Variants in HDAC9 observed in about 807,000 individuals in gnomAD.
HDAC9 encodes MEF-2 interacting transcription repressor (MITR) protein.
Under a neutral mutation model 139.4 loss-of-function variants are expected in HDAC9, and 41 were observed. The ratio of observed to expected loss-of-function variants is 0.29; its 90% CI spans 0.23 to 0.38. The LOEUF is 0.38. Among genes scored for constraint, HDAC9 ranks in the 10% least tolerant of loss-of-function variants. The probability of loss-of-function intolerance (pLI) is 1.00; values close to 1 mark genes in which losing one functional copy is unlikely to be tolerated. For synonymous variants in HDAC9, 517 were observed against 476.2 expected, an observed-to-expected ratio of 1.09 and a Z score of -1.12; for missense variants, 1,147 against 1,297.0, an observed-to-expected ratio of 0.88 and a Z score of 1.78.
intron 6 of HDAC9, 50 bp downstream of exon 6, chr7:18,594,079 A>G (rs762946908): frequency 3.1e-6 from 5 of 1,602,174 alleles, no homozygotes; most frequent in Non-Finnish European, 4.3e-6. Flanking sequence ...ACACACCTGT[A>G]AGTTTCATTT....
At chr7:18,988,292 C>G (rs990356023) in intron 25 of HDAC9, among the ~76,000 whole-genome samples, 1 of 151,970 alleles carries the variant, frequency 6.6e-6, no homozygotes, top group Non-Finnish European at 1.5e-5. Flanking sequence ...CAAAGAACAT[C>G]TTTATTTCTG....
chr7:18,411,395 G>A (rs1411169352), intron 1 of HDAC9, among the ~76,000 whole-genome samples: 1 of 151,920 alleles, frequency 6.6e-6, no homozygotes, highest in Non-Finnish European at 1.5e-5. Flanking sequence ...CTTTTTTTGA[G>A]ATGGAGTCTT....
intron 21 of HDAC9, among the ~76,000 whole-genome samples, chr7:18,868,046 TTA>T (rs1441046029): frequency 6.6e-6 from 1 of 152,224 alleles, no homozygotes; most frequent in Non-Finnish European, 1.5e-5. Flanking sequence ...TTTGAAATTA[TTA>T]TGTTTGTTGT....
rs57123600 is a variant in HDAC9 at position 18,524,863 on chromosome 7, T to TACACACAC, written c.22+28571_22+28578dup. 1.8e-3 allele frequency among the ~76,000 whole-genome samples: 227 copies of TACACACAC among 127,740 alleles called. 1 individual carries two copies. The highest frequency in any genetic ancestry group is 3.6e-3 in the African/African-American group (124 of 34,664). The allele number at this position is 127,740 out of a possible 152,430, so 83.8% of individuals were successfully genotyped here. The stretch of plus-strand genomic sequence containing the variant: ...GATTTTGAAATAAAACTTAGTGACA[T>TACACACAC]ACACACACACACACACACACACACA... On this transcript the variant is annotated intron_variant, in intron 2 of 25. Transcript: ENST00000686413.
chr7:18,824,107 A>C (rs939845956), intron 17 of HDAC9, among the ~76,000 whole-genome samples: 1 of 152,116 alleles, frequency 6.6e-6, no homozygotes, highest in African/African-American at 2.4e-5. Flanking sequence ...AAGAAGGAGA[A>C]GAAGAAGAGG....
rs541261797 is a variant in HDAC9 at position 18,732,703 on chromosome 7, A to ATG, written c.1909+4951_1909+4952dup. On this transcript the variant is annotated intron_variant, in intron 13 of 25. Coordinates refer to ENST00000686413, the MANE Select transcript of HDAC9 (RefSeq NM_178425.4). Reference sequence around the variant, plus strand: ...CGTATGTGTACACACACACACGTGTATGTGTGCGTATGTGTACACACACAC... The same window carrying ATG: ...CGTATGTGTACACACACACACGTGTATGTGTGTGCGTATGTGTACACACACAC... Among the ~76,000 whole-genome samples the ATG allele has an allele frequency of 5.6e-5, 7 of 124,848 alleles. 1 individual carries two copies. The highest frequency in any genetic ancestry group is 1.5e-4 in the Admixed American group (2 of 13,500). 81.9% of individuals were successfully genotyped at this position (124,848 alleles called of 152,430 possible). A position where few individuals can be genotyped will look rare whatever the true frequency, so the allele number is the denominator to read the frequency against.
intron 1 of HDAC9, among the ~76,000 whole-genome samples, chr7:18,392,763 G>A (rs1262738752): frequency 6.6e-6 from 1 of 151,558 alleles, no homozygotes; most frequent in Non-Finnish European, 1.5e-5. Flanking sequence ...CACATGGGAG[G>A]GGTCACTCAG....
intron 1 of HDAC9, among the ~76,000 whole-genome samples, chr7:18,117,287 C>G (rs1784060628): frequency 6.6e-6 from 1 of 151,970 alleles, no homozygotes; most frequent in African/African-American, 2.4e-5. Context: ...GAGATCGAGA[C>G]CTTCCTGGCT....
intron 1 of HDAC9, among the ~76,000 whole-genome samples, chr7:18,139,663 C>T (rs1417117384): frequency 2.0e-5 from 3 of 152,070 alleles, no homozygotes; most frequent in Non-Finnish European, 4.4e-5. Flanking sequence ...GTGAATGTTA[C>T]CTCATATGGC....
chr7:18,561,507 C>T (rs1450233131), intron 2 of HDAC9, among the ~76,000 whole-genome samples: 2 of 152,166 alleles, frequency 1.3e-5, no homozygotes, highest in Non-Finnish European at 2.9e-5. Context: ...AGTCTATTCA[C>T]ATGGTTGTGC....
intron 21 of HDAC9, among the ~76,000 whole-genome samples, chr7:18,870,270 G>C (rs1173734547): frequency 2.0e-5 from 3 of 152,100 alleles, no homozygotes; most frequent in Non-Finnish European, 4.4e-5. Context: ...ATTGCACTTA[G>C]ACATCATGCC....
chr7:18,996,049 A>AGCC lies in HDAC9; in HGVS notation c.3198_3200dup (p.Pro1067dup). Reference sequence around the variant, plus strand: ...ACTGCTGGTGAGCCTATGGAAGAGGAGCCAGCCTTGTGAAGTGCCAAGTCC... The same window carrying AGCC: ...ACTGCTGGTGAGCCTATGGAAGAGGAGCCGCCAGCCTTGTGAAGTGCCAAGTCC... On this transcript the variant is annotated inframe_insertion, in exon 26 of 26. Transcript: ENST00000686413. 6.2e-7 allele frequency: 1 copy of AGCC among 1,605,864 alleles called. No homozygotes were observed. Among genetic ancestry groups the AGCC allele is most frequent in the South Asian group, 1.1e-5 (1 of 89,328 alleles).
intron 2 of HDAC9, among the ~76,000 whole-genome samples, chr7:18,513,947 G>C (rs1392360664): frequency 1.3e-5 from 2 of 152,118 alleles, no homozygotes; most frequent in Non-Finnish European, 2.9e-5. Flanking sequence ...TTCACTTCTA[G>C]CTTATTTAAA....
intron 2 of HDAC9, among the ~76,000 whole-genome samples, chr7:18,550,004 T>G (rs531381923): frequency 6.6e-6 from 1 of 151,900 alleles, no homozygotes; most frequent in South Asian, 2.1e-4. Flanking sequence ...TGCCTTCATT[T>G]TTTGGAAAGG....
intron 2 of HDAC9, among the ~76,000 whole-genome samples, chr7:18,228,321 A>C (rs1196873997): frequency 6.6e-6 from 1 of 151,914 alleles, no homozygotes; most frequent in Admixed American, 6.6e-5. Flanking sequence ...AAAGCAGATA[A>C]ACTTACTGAA....
chr7:18,861,635 G>A (rs566896962), intron 21 of HDAC9, among the ~76,000 whole-genome samples: 42 of 152,110 alleles, frequency 2.8e-4, no homozygotes, highest in African/African-American at 9.2e-4. Flanking sequence ...AGACACATTG[G>A]GCAATATCTC....
chr7:18,404,873 T>C (rs1012412890), intron 1 of HDAC9, among the ~76,000 whole-genome samples: 3 of 152,214 alleles, frequency 2.0e-5, no homozygotes, highest in African/African-American at 4.8e-5. Flanking sequence ...GATTATTGTT[T>C]ATCTGATTAT....
intron 2 of HDAC9, among the ~76,000 whole-genome samples, chr7:18,279,474 T>G (rs1393069918): frequency 6.6e-6 from 1 of 151,742 alleles, no homozygotes; most frequent in Non-Finnish European, 1.5e-5. Context: ...GTATTTACTT[T>G]TTTTTTGAGG....
At chr7:18,173,580 G>A (rs968173525) in intron 2 of HDAC9, among the ~76,000 whole-genome samples, 3 of 152,204 alleles carry the variant, frequency 2.0e-5, no homozygotes, top group Non-Finnish European at 4.4e-5. Flanking sequence ...TGTTTTTGCA[G>A]TGGCTGGTAC....
Sources: gnomAD v4.1 joint callset for allele counts (sites outside exome capture counted in the v4.1 genomes callset) on GRCh38, gnomAD v4.1.1 for gene constraint, MANE v1.5 for transcripts, NCBI Gene and HGNC (gene_info 2026-07-23, HGNC 2026-07-21) for gene names.